GMDS: variants seen among roughly 807,000 people sequenced by gnomAD.
GMDS encodes GDP-mannose 4,6-dehydratase.
A neutral mutation model predicts 49.9 loss-of-function variants in GMDS; 20 were observed. The ratio of observed to expected loss-of-function variants is 0.40; its 90% CI spans 0.28 to 0.58. The LOEUF (loss-of-function observed/expected upper bound fraction) is 0.58. Ranked by LOEUF, GMDS falls within the 20% of genes least tolerant of loss-of-function variation. The probability of loss-of-function intolerance (pLI) is 0.42; values close to 1 mark genes in which losing one functional copy is unlikely to be tolerated. For synonymous variants in GMDS, 177 were observed against 178.6 expected (o/e 0.99, Z 0.07); for missense variants, 362 against 481.4 (o/e 0.75, Z 2.32).
intron 4 of GMDS, among the ~76,000 whole-genome samples, chr6:2,050,976 G>A (rs1266540238): frequency 6.6e-6 from 1 of 152,110 alleles, no homozygotes; most frequent in Non-Finnish European, 1.5e-5. Flanking sequence ...GGGGCTGGGG[G>A]AGGGATAGTA....
chr6:1,689,594 T>C (rs1201348562), intron 9 of GMDS, among the ~76,000 whole-genome samples: 1 of 152,208 alleles, frequency 6.6e-6, no homozygotes, highest in Non-Finnish European at 1.5e-5. Flanking sequence ...TAAGTAAACT[T>C]GAAAATTCAG....
At chr6:1,689,284 A>G (rs6909392) in intron 9 of GMDS, among the ~76,000 whole-genome samples, 19,475 of 152,166 alleles carry the variant, frequency 0.13, 1,689 homozygotes, top group Non-Finnish European at 0.18. Context: ...CACACCCAAT[A>G]CTGCAAACAT....
At chr6:1,715,556 T>C (rs1263596420) in intron 9 of GMDS, among the ~76,000 whole-genome samples, 2 of 152,238 alleles carry the variant, frequency 1.3e-5, no homozygotes, top group Non-Finnish European at 2.9e-5. Flanking sequence ...AGGTGCAGGC[T>C]GCACCAAGGA....
chr6:1,803,038 C>G (rs1770012170), intron 7 of GMDS, among the ~76,000 whole-genome samples: 1 of 152,166 alleles, frequency 6.6e-6, no homozygotes, highest in African/African-American at 2.4e-5. Flanking sequence ...TGAGCCTAAA[C>G]AAAAGGATAT....
At chr6:2,217,605 A>T (rs908926445) in intron 1 of GMDS, among the ~76,000 whole-genome samples, 2 of 152,208 alleles carry the variant, frequency 1.3e-5, no homozygotes, top group Non-Finnish European at 2.9e-5. Flanking sequence ...TAATGCTGCA[A>T]ATAGCTTATA....
At chr6:1,967,271 A>G (rs2476465) in intron 4 of GMDS, among the ~76,000 whole-genome samples, 95,584 of 152,118 alleles carry the variant, frequency 0.63, 30,116 homozygotes, top group Admixed American at 0.66. Flanking sequence ...GGTAAGCTCC[A>G]TGAGAGCTGG....
chr6:1,893,360 A>T (rs1759983260), intron 7 of GMDS, among the ~76,000 whole-genome samples: 1 of 151,672 alleles, frequency 6.6e-6, no homozygotes, highest in African/African-American at 2.4e-5. Context: ...TGCCCAGCTA[A>T]CTTGTATTTT....
chr6:2,059,707 C>CAA (rs35230658), intron 4 of GMDS, among the ~76,000 whole-genome samples: 1,578 of 17,764 alleles, frequency 0.089, 317 homozygotes, highest in African/African-American at 0.16. Context: ...GACTCCGTCT[C>CAA]AAAAAAAAAA....
At chr6:1,959,572 TAG>T (rs1763826684) in intron 6 of GMDS, 1 of 207,830 alleles carries the variant, frequency 4.8e-6, no homozygotes, top group African/African-American at 2.3e-5. Context: ...ATTCATATAG[TAG>T]CTTCCTAATA....
rs559220503 is a variant in GMDS, at chr6:2,202,663, G to T, written c.102+42658C>A. 5.3e-4 allele frequency among the ~76,000 whole-genome samples: 80 copies of T among 152,178 alleles called. No homozygotes were observed. In the South Asian group the frequency reaches 7.0e-3, roughly 13 times the overall value. On this transcript the variant is annotated intron_variant, in intron 1 of 10. Coordinates refer to ENST00000380815, the MANE Select transcript of GMDS (RefSeq NM_001500.4). ...AGACTGGCCTCGTGGCCTATGTCCTGGCAAGGGAAGGGAGCTACTGCATGA... is the reference window on the plus strand; with the variant it reads ...AGACTGGCCTCGTGGCCTATGTCCTTGCAAGGGAAGGGAGCTACTGCATGA...
intron 4 of GMDS, among the ~76,000 whole-genome samples, chr6:2,112,396 C>T (rs1774597392): frequency 6.6e-6 from 1 of 152,124 alleles, no homozygotes; most frequent in Admixed American, 6.5e-5. Flanking sequence ...GGAACATATT[C>T]TATTTGGATA....
At chr6:1,930,013 C>T (rs1174322505) in intron 7 of GMDS, 90 bp downstream of exon 7, 4 of 1,195,398 alleles carry the variant, frequency 3.3e-6, no homozygotes, top group African/African-American at 3.0e-5. Flanking sequence ...TATGCCCCCA[C>T]CTCTAGGTCA....
chr6:1,782,604 T>C (rs1769147593), intron 7 of GMDS, among the ~76,000 whole-genome samples: 1 of 152,254 alleles, frequency 6.6e-6, no homozygotes. Flanking sequence ...TGGATAGACA[T>C]GCCTCATGGC....
At chr6:1,895,906 T>A (rs2113849189) in intron 7 of GMDS, among the ~76,000 whole-genome samples, 1 of 152,242 alleles carries the variant, frequency 6.6e-6, no homozygotes, top group East Asian at 1.9e-4. Flanking sequence ...CTCCTTTCTT[T>A]CCCTATCCAT....
Position 1,836,073 on chromosome 6 carries a change from T to TA in GMDS, c.772-93488dup, listed in dbSNP as rs1382375548. The stretch of plus-strand genomic sequence containing the variant: ...TAGTAGAGACAGGGTTTCACCATGT[T>TA]AGCCAGGATGGTCTCGATCTCCTGA... On this transcript the variant is annotated intron_variant, in intron 7 of 10. Coordinates refer to ENST00000380815, the MANE Select transcript of GMDS (RefSeq NM_001500.4). The surrounding 1 kb of genome is among the most constrained non-coding windows in gnomAD (Gnocchi z 4.2). Among the ~76,000 whole-genome samples the TA allele has an allele frequency of 6.6e-6, 1 of 152,104 alleles. No individual in the cohort carries two copies. Among genetic ancestry groups the TA allele is most frequent in the East Asian group, 1.9e-4 (1 of 5,194 alleles).
chr6:1,773,738 G>A (rs1164767766), intron 7 of GMDS, among the ~76,000 whole-genome samples: 14 of 152,364 alleles, frequency 9.2e-5, no homozygotes, highest in East Asian at 7.7e-4. Context: ...AGAAACTACC[G>A]TGGAGGTAAT....
chr6:2,133,104 C>A (rs1290006196), intron 1 of GMDS, among the ~76,000 whole-genome samples: 1 of 152,066 alleles, frequency 6.6e-6, no homozygotes, highest in African/African-American at 2.4e-5. Context: ...TCTAATCACT[C>A]GAGTGATTTA....
intron 9 of GMDS, among the ~76,000 whole-genome samples, chr6:1,645,127 C>T (rs902913024): frequency 8.6e-5 from 13 of 151,740 alleles, no homozygotes; most frequent in Admixed American, 8.5e-4. Flanking sequence ...GTAGAGACGG[C>T]GTTTCACCAT....
chr6:2,107,908 A>C (rs187212067), intron 4 of GMDS, among the ~76,000 whole-genome samples: 1 of 152,378 alleles, frequency 6.6e-6, no homozygotes, highest in Non-Finnish European at 1.5e-5. Flanking sequence ...CATTCTGCTC[A>C]TAAGGAATCT....
Sources: gnomAD v4.1 joint callset for allele counts (sites outside exome capture counted in the v4.1 genomes callset) on GRCh38, gnomAD v4.1.1 for gene constraint, Gnocchi (gnomAD v3.1) non-coding constraint, MANE v1.5 for transcripts, NCBI Gene and HGNC (gene_info 2026-07-23, HGNC 2026-07-21) for gene names.